Variants in TTC3 observed in about 807,000 individuals in gnomAD.
TTC3 encodes tetratricopeptide repeat domain 3.
Under a neutral mutation model 249.6 loss-of-function variants are expected in TTC3, and 180 were observed. The observed-to-expected ratio is 0.72, with a 90% CI of 0.64 to 0.82. The LOEUF is 0.82. TTC3 is among the 40% of genes least tolerant of loss of function. The probability of loss-of-function intolerance (pLI) is 0.00; values close to 1 mark genes in which losing one functional copy is unlikely to be tolerated. For missense variants in TTC3, 2,061 were observed against 2,398.4 expected (o/e 0.86, Z 2.94); for synonymous variants, 717 against 805.0 (o/e 0.89, Z 1.85).
At chr21:37,199,438 C>T (rs1010873589) in intron 44 of TTC3, among the ~76,000 whole-genome samples, 8 of 152,192 alleles carry the variant, frequency 5.3e-5, no homozygotes, top group Non-Finnish European at 1.2e-4. Flanking sequence ...GAGTCCCAGG[C>T]GACACTCAGG....
intron 16 of TTC3, among the ~76,000 whole-genome samples, chr21:37,129,301 A>C (rs891496980): frequency 6.6e-6 from 1 of 152,188 alleles, no homozygotes; most frequent in Non-Finnish European, 1.5e-5. Flanking sequence ...AAATATTTCC[A>C]TATTAATTTC....
chr21:37,081,058 A>ATAC (rs201683747), intron 1 of TTC3, among the ~76,000 whole-genome samples: 1,515 of 149,406 alleles, frequency 0.01, 18 homozygotes, highest in East Asian at 0.03. Flanking sequence ...TAGGGTAGGA[A>ATAC]TACTATTCTG....
chr21:37,095,304 AT>A, intron 8 of TTC3, 45 bp from the exon 9 acceptor site: 1 of 1,343,894 alleles, frequency 7.4e-7, no homozygotes, highest in East Asian at 2.3e-5. Context: ...GTTCTTGATG[AT>A]TTTTGGAGGT....
intron 28 of TTC3, chr21:37,158,066 T>A (rs1216243104): frequency 1.1e-6 from 1 of 952,312 alleles, no homozygotes; most frequent in South Asian, 4.8e-5. Context: ...GTGGAAAGCT[T>A]ACTTTTGACA....
chr21:37,201,401 T>G (rs1423953340), intron 45 of TTC3, 39 bp from the exon 46 acceptor site: 3 of 1,612,144 alleles, frequency 1.9e-6, no homozygotes, highest in Non-Finnish European at 2.5e-6. Context: ...TTCCTCATGG[T>G]CCTGAAGGCA....
At chr21:37,151,433 C>G (rs796145915) in intron 25 of TTC3, among the ~76,000 whole-genome samples, 10 of 151,204 alleles carry the variant, frequency 6.6e-5, no homozygotes, top group African/African-American at 2.4e-4. Flanking sequence ...TCATTTGTGA[C>G]CAAGAAAAAG....
chr21:37,191,551 T>C, intron 40 of TTC3, 127 bp downstream of exon 40: 1 of 554,396 alleles, frequency 1.8e-6, no homozygotes, highest in South Asian at 4.0e-5. Context: ...TTGTTGAAAG[T>C]ATTATGAGCT....
chr21:37,172,657 T>G lies in TTC3; in HGVS notation c.4530T>G (p.Tyr1510Ter). 6.2e-7 allele frequency: 1 copy of G among 1,613,964 alleles called. No individual in the cohort carries two copies. Among genetic ancestry groups the G allele is most frequent in the Non-Finnish European group, 8.5e-7 (1 of 1,179,930 alleles). Residue 1510 changes from tyrosine to a stop codon, truncating the protein, a stop_gained, in exon 35 of 46, where the codon TAT becomes TAG. Transcript: ENST00000355666. LOFTEE classifies it high-confidence loss of function. ...TACAAGACCAACTTCAAGAAGTGTA[T>G]GAAAATTATGAGCAGATAAAACTTA...
chr21:37,092,626 G>C (rs1032384108), intron 7 of TTC3, among the ~76,000 whole-genome samples: 7 of 152,172 alleles, frequency 4.6e-5, no homozygotes, highest in African/African-American at 1.4e-4. Context: ...AGATAAGTCA[G>C]ATCTCTCTGA....
intron 20 of TTC3, among the ~76,000 whole-genome samples, chr21:37,144,120 C>T (rs897060530): frequency 6.6e-6 from 1 of 151,690 alleles, no homozygotes; most frequent in Non-Finnish European, 1.5e-5. Flanking sequence ...AGAGGGATAG[C>T]ATTAGGAGAT....
intron 27 of TTC3, among the ~76,000 whole-genome samples, chr21:37,156,441 A>C (rs539869724): frequency 6.6e-6 from 1 of 152,204 alleles, no homozygotes; most frequent in Non-Finnish European, 1.5e-5. Flanking sequence ...ATTCAAATCT[A>C]ATAGACAAGA....
At chr21:37,134,843 C>T (rs1055663204) in intron 17 of TTC3, among the ~76,000 whole-genome samples, 2 of 152,170 alleles carry the variant, frequency 1.3e-5, no homozygotes, top group African/African-American at 4.8e-5. Context: ...TGTTATCTCT[C>T]CCAGTAATTT....
intron 32 of TTC3, 101 bp downstream of exon 32, chr21:37,164,316 C>A: frequency 1.4e-5 from 15 of 1,071,082 alleles, no homozygotes; most frequent in Non-Finnish European, 1.8e-5. Context: ...GATTTTGCCA[C>A]ATTTTACACA....
chr21:37,128,757 T>C (rs2077232948), intron 15 of TTC3, among the ~76,000 whole-genome samples: 1 of 152,200 alleles, frequency 6.6e-6, no homozygotes, highest in African/African-American at 2.4e-5. Context: ...TGTATCTCTC[T>C]GTATCTATGG....
chr21:37,087,077 A>G (rs2147660369), intron 1 of TTC3, 170 bp from the exon 2 acceptor site: 1 of 664,890 alleles, frequency 1.5e-6, no homozygotes, highest in South Asian at 2.1e-5. Context: ...AGAGAGGAAA[A>G]GTCAGCAGAA....
At chr21:37,155,211 A>G (rs368419597) in intron 27 of TTC3, among the ~76,000 whole-genome samples, 2 of 151,416 alleles carry the variant, frequency 1.3e-5, no homozygotes, top group African/African-American at 2.4e-5. Context: ...TAAAACGACT[A>G]TTGGGTGGAC....
In TTC3 at chr21:37,132,268, A is replaced by G. The variant is rs540163571; in HGVS notation, c.1359-414A>G. 4.6e-4 allele frequency among the ~76,000 whole-genome samples: 70 copies of G among 151,870 alleles called. 5 individuals carry two copies. In the South Asian group the frequency reaches 0.014, roughly 31 times the overall value. The stretch of plus-strand genomic sequence containing the variant: ...ATTTTACATGGCCTTCAGTAAATAT[A>G]TTTTTTTCTTCTATCTGTCACATTG... On this transcript the variant is annotated intron_variant, in intron 16 of 45. Coordinates refer to ENST00000355666, the Ensembl canonical transcript of TTC3.
rs774122117 is a variant in TTC3, at chr21:37,165,527, T to C, written c.3336-23T>C. On this transcript the variant is annotated intron_variant, in intron 32 of 45. Transcript: ENST00000355666. ...TCAAGTACTTCCTTATAGTAACTCA[T>C]GTAAATGTAAATTTTTTCCAAGTTA... 11 of 1,556,664 alleles carry C rather than the reference T, an allele frequency of 7.1e-6. No homozygotes were observed. The South Asian group carries it at 7.2e-5, about 10-fold the overall frequency.
intron 37 of TTC3, among the ~76,000 whole-genome samples, chr21:37,186,512 G>T (rs1289309010): frequency 6.6e-6 from 1 of 152,124 alleles, no homozygotes; most frequent in African/African-American, 2.4e-5. Flanking sequence ...TGCAGTCATT[G>T]CTCACTGCAG....
Sources: gnomAD v4.1 joint callset for allele counts (sites outside exome capture counted in the v4.1 genomes callset) on GRCh38, gnomAD v4.1.1 for gene constraint, MANE v1.5 for transcripts, NCBI Gene and HGNC (gene_info 2026-07-23, HGNC 2026-07-21) for gene names.